Variants in PLA2G4E observed in about 807,000 individuals in gnomAD.
The protein encoded by PLA2G4E is phospholipase A2 group IVE.
In PLA2G4E, 84 loss-of-function variants were observed where a neutral mutation model predicts 109.1. The ratio of observed to expected loss-of-function variants is 0.77; its 90% CI spans 0.65 to 0.92. PLA2G4E has a LOEUF of 0.92. Among genes scored for constraint, PLA2G4E ranks in the 40% least tolerant of loss-of-function variants. PLA2G4E has a pLI of 0.00. For missense variants in PLA2G4E, 1,057 were observed against 1,076.6 expected (o/e 0.98, Z 0.25); for synonymous variants, 469 against 436.1 (o/e 1.08, Z -0.94).
intron 10 of PLA2G4E, chr15:41,998,914 G>A (rs1170525794): frequency 3.9e-5 from 6 of 152,414 alleles, no homozygotes; most frequent in South Asian, 4.1e-4. Flanking sequence ...TTAGCCAGGT[G>A]TAGAGGTGTG....
chr15:42,001,845 C>A (rs1456603732), intron 6 of PLA2G4E, among the ~76,000 whole-genome samples: 1 of 152,100 alleles, frequency 6.6e-6, no homozygotes, highest in Non-Finnish European at 1.5e-5. Flanking sequence ...ACACATGCTA[C>A]CATGCCTGGC....
At chr15:42,020,161 T>A (rs1216591717) in intron 1 of PLA2G4E, among the ~76,000 whole-genome samples, 1 of 152,168 alleles carries the variant, frequency 6.6e-6, no homozygotes, top group Non-Finnish European at 1.5e-5. Context: ...AGGGTCTTCA[T>A]CTCCCCCACC....
intron 18 of PLA2G4E, among the ~76,000 whole-genome samples, chr15:41,984,920 G>A (rs1415422495): frequency 4.6e-5 from 7 of 152,226 alleles, no homozygotes; most frequent in African/African-American, 1.7e-4. Flanking sequence ...AAGGGCGACT[G>A]GAACCAGGCT....
rs867473393 is a variant in PLA2G4E at position 41,987,298 on chromosome 15, A to G, written c.1909T>C (p.Trp637Arg). The G allele has an allele frequency of 1.9e-6, 3 of 1,613,898 alleles. No homozygotes were observed. Among genetic ancestry groups the G allele is most frequent in the African/African-American group, 2.7e-5 (2 of 74,948 alleles). ...ATTTCTCGGAAAGAATTGGACAGCC[A>G]TGACCCTGGGATCACTACCGTGGTC... The change falls in exon 17 of 20, where the codon TGG becomes CGG. Residue 637 changes from tryptophan (W) to arginine (R), a missense_variant. By Grantham distance (101) the Trp-to-Arg change is moderately radical. Coordinates refer to ENST00000399518, the Ensembl canonical transcript of PLA2G4E.
intron 1 of PLA2G4E, among the ~76,000 whole-genome samples, chr15:42,019,032 T>A (rs1281635457): frequency 1.3e-5 from 2 of 152,190 alleles, no homozygotes; most frequent in Non-Finnish European, 2.9e-5. Context: ...GGCATCATTA[T>A]CCCTGCTTTA....
intron 1 of PLA2G4E, 125 bp from the exon 2 acceptor site, chr15:42,013,882 GTTTTT>G (rs10539531): frequency 0.026 from 3,456 of 133,612 alleles, 2 homozygotes; most frequent in Middle Eastern, 0.051. Context: ...CCCTAGGCTG[GTTTTT>G]TTTTTTTTTT....
chr15:42,002,814 A>T, intron 5 of PLA2G4E, 118 bp from the exon 6 acceptor site: 1 of 1,012,496 alleles, frequency 9.9e-7, no homozygotes. Flanking sequence ...CTTTGTTCTC[A>T]TAAAAAATAC....
At chr15:42,015,920 G>A (rs1401919058) in intron 1 of PLA2G4E, among the ~76,000 whole-genome samples, 1 of 152,170 alleles carries the variant, frequency 6.6e-6, no homozygotes, top group Admixed American at 6.5e-5. Flanking sequence ...CTTTCCTGTT[G>A]GAACTCATGA....
At chr15:42,013,108 G>T (rs1255159528) in intron 2 of PLA2G4E, among the ~76,000 whole-genome samples, 1 of 152,206 alleles carries the variant, frequency 6.6e-6, no homozygotes, top group Non-Finnish European at 1.5e-5. Flanking sequence ...CCAGGAAACA[G>T]CACTGCACAA....
At chr15:42,037,244 C>T (rs951973213) in intron 1 of PLA2G4E, among the ~76,000 whole-genome samples, 2 of 152,212 alleles carry the variant, frequency 1.3e-5, no homozygotes, top group African/African-American at 4.8e-5. Context: ...GCCAGGCTGC[C>T]AGTCCTGTAG....
chr15:41,999,974 G>T (rs772751732), exon 9 of PLA2G4E: 3 of 1,610,440 alleles, frequency 1.9e-6, no homozygotes, highest in Non-Finnish European at 2.5e-6. Context: ...GGCTGATGGG[G>T]CCCTTCTTGC....
At chr15:42,012,527 G>C (rs1030908639) in intron 2 of PLA2G4E, among the ~76,000 whole-genome samples, 1 of 152,146 alleles carries the variant, frequency 6.6e-6, no homozygotes, top group Non-Finnish European at 1.5e-5. Flanking sequence ...AGGTGCTCAG[G>C]GGGTGTGGCT....
At chr15:42,038,366 T>G (rs1162075623) in intron 1 of PLA2G4E, among the ~76,000 whole-genome samples, 2 of 152,220 alleles carry the variant, frequency 1.3e-5, no homozygotes, top group Non-Finnish European at 2.9e-5. Flanking sequence ...AATAAAATAA[T>G]TATACAACTC....
chr15:42,043,139 T>G (rs1889346220), intron 1 of PLA2G4E, among the ~76,000 whole-genome samples: 1 of 152,166 alleles, frequency 6.6e-6, no homozygotes, highest in Non-Finnish European at 1.5e-5. Flanking sequence ...CCTAATGATC[T>G]GTTCCAGTTT....
At position 42,013,926 on chromosome 15, in the gene PLA2G4E, T is replaced by C. The variant is rs184020371; in HGVS notation, c.184-169A>G. On this transcript the variant is annotated intron_variant, in intron 1 of 19. Transcript: ENST00000399518. Reference sequence around the variant, plus strand: ...TTTTTTTTTTTACAGAGTTTCACTCTTGTTGCCCAGGCTAGAGTGCCATGG... The same window carrying C: ...TTTTTTTTTTTACAGAGTTTCACTCCTGTTGCCCAGGCTAGAGTGCCATGG... Among the ~76,000 whole-genome samples the C allele has an allele frequency of 3.5e-4, 52 of 147,474 alleles. No individual in the cohort carries two copies. In the East Asian group the frequency reaches 7.2e-3, roughly 20 times the overall value.
In PLA2G4E at chr15:41,987,067, C is replaced by T. The variant is rs962179421; in HGVS notation, c.2035+105G>A. On this transcript the variant is annotated intron_variant, in intron 17 of 19. Transcript: ENST00000399518. ...GGAGAGAGGTGCCTGGCCCAGTGAA[C>T]ATAGCCAGAGAAGTTTTCTTATTCT... The T allele has an allele frequency of 5.7e-6, 7 of 1,218,854 alleles. No homozygotes were observed. The African/African-American group carries it at 1.1e-4, about 18-fold the overall frequency. The allele number at this position is 1,218,854 out of a possible 1,614,324, so 75.5% of individuals were successfully genotyped here. A position where few individuals can be genotyped will look rare whatever the true frequency, so the allele number is the denominator to read the frequency against.
intron 1 of PLA2G4E, among the ~76,000 whole-genome samples, chr15:42,039,178 T>C (rs1297895519): frequency 6.6e-6 from 1 of 152,154 alleles, no homozygotes; most frequent in African/African-American, 2.4e-5. Context: ...TATACAGCAG[T>C]AGTTATCCAA....
At chr15:41,989,182 C>T (rs958469572) in intron 15 of PLA2G4E, among the ~76,000 whole-genome samples, 4 of 152,286 alleles carry the variant, frequency 2.6e-5, no homozygotes, top group South Asian at 2.1e-4. Context: ...CAGAAGCTTC[C>T]GTCTGAGTCT....
chr15:41,989,273 TG>T, intron 15 of PLA2G4E, 141 bp downstream of exon 15: 1 of 1,191,372 alleles, frequency 8.4e-7, no homozygotes, highest in Non-Finnish European at 1.2e-6. Context: ...AGACCAACTC[TG>T]GTCCCCAGTG....
Sources: gnomAD v4.1 joint callset for allele counts (sites outside exome capture counted in the v4.1 genomes callset) on GRCh38, gnomAD v4.1.1 for gene constraint, MANE v1.5 for transcripts, NCBI Gene and HGNC (gene_info 2026-07-23, HGNC 2026-07-21) for gene names.